PBX3: variants seen among roughly 807,000 people sequenced by gnomAD.
PBX3 encodes the protein pre-B-cell leukemia transcription factor 3.
PBX3 carries 14 observed loss-of-function variants against 48.5 expected under a neutral mutation model. The ratio of observed to expected loss-of-function variants is 0.29; its 90% CI spans 0.19 to 0.45. PBX3 has a LOEUF of 0.45. Among genes scored for constraint, PBX3 ranks in the 20% least tolerant of loss-of-function variants. The pLI, the probability that PBX3 is intolerant of heterozygous loss-of-function variation, is 1.00. For synonymous variants in PBX3, 210 were observed against 200.3 expected, an observed-to-expected ratio of 1.05 and a Z score of -0.41; for missense variants, 386 against 546.7, an observed-to-expected ratio of 0.71 and a Z score of 2.93.
At chr9:125,954,325 T>C (rs1225811415) in intron 5 of PBX3, among the ~76,000 whole-genome samples, 1 of 152,200 alleles carries the variant, frequency 6.6e-6, no homozygotes, top group African/African-American at 2.4e-5. Flanking sequence ...ACTATAATGA[T>C]GGTTTAGTCC....
intron 2 of PBX3, among the ~76,000 whole-genome samples, chr9:125,856,265 A>G (rs893814813): frequency 1.3e-4 from 20 of 152,208 alleles, no homozygotes; most frequent in African/African-American, 4.6e-4. Context: ...GAATCAATGT[A>G]AAATACTCTG....
chr9:125,811,055 A>C (rs1696649009), intron 2 of PBX3, among the ~76,000 whole-genome samples: 3 of 152,200 alleles, frequency 2.0e-5, no homozygotes, highest in Admixed American at 2.0e-4. Context: ...CATAGCTCCC[A>C]TCTCTTCATG....
chr9:125,793,134 T>C (rs1837660546), intron 2 of PBX3, among the ~76,000 whole-genome samples: 1 of 151,252 alleles, frequency 6.6e-6, no homozygotes, highest in Non-Finnish European at 1.5e-5. Context: ...GGGCGGATCA[T>C]GAGGTCAGGA....
intron 2 of PBX3, among the ~76,000 whole-genome samples, chr9:125,862,930 T>C (rs1411921964): frequency 1.3e-5 from 2 of 151,796 alleles, no homozygotes; most frequent in African/African-American, 4.8e-5. Flanking sequence ...GGCCTCACTC[T>C]GTCGCCCAGG....
intron 2 of PBX3, among the ~76,000 whole-genome samples, chr9:125,817,694 T>C (rs1212371513): frequency 6.6e-6 from 1 of 152,248 alleles, no homozygotes; most frequent in Non-Finnish European, 1.5e-5. Context: ...GGAATTTTCA[T>C]TCAGCTTTGA....
intron 1 of PBX3, chr9:125,748,344 C>A (rs1428662742): frequency 7.8e-7 from 1 of 1,275,382 alleles, no homozygotes; most frequent in Non-Finnish European, 1.0e-6. Context: ...CAGATGGGTC[C>A]GCCTTGTTCC....
At chr9:125,882,926 T>C (rs974356657) in intron 2 of PBX3, among the ~76,000 whole-genome samples, 4 of 152,228 alleles carry the variant, frequency 2.6e-5, no homozygotes, top group African/African-American at 7.2e-5. Flanking sequence ...TTTAGAGAAG[T>C]ATTTGCAACA....
chr9:125,906,730 G>A (rs913770215), intron 2 of PBX3, among the ~76,000 whole-genome samples: 2 of 151,926 alleles, frequency 1.3e-5, no homozygotes, highest in Non-Finnish European at 2.9e-5. Context: ...CAAAAATTTT[G>A]TATTATGTGT....
intron 2 of PBX3, among the ~76,000 whole-genome samples, chr9:125,750,069 A>G (rs12005972): frequency 0.28 from 42,341 of 152,138 alleles, 7,032 homozygotes; most frequent in Middle Eastern, 0.41. Flanking sequence ...TAAGACATCT[A>G]GCATTCAGTC....
rs557238597 is a variant in PBX3, at chr9:125,879,299, G to A, written c.275-36387G>A. ...TCACCATATTGGCCAACCTGATCTC[G>A]ATCGAACTCCTGACCTCGTGATCAG... On this transcript the variant is annotated intron_variant, in intron 2 of 8. Coordinates refer to ENST00000373489, the MANE Select transcript of PBX3 (RefSeq NM_006195.6). Among the ~76,000 whole-genome samples, 4 of 151,966 alleles carry A rather than the reference G, an allele frequency of 2.6e-5. No homozygotes were observed. In the South Asian group the frequency reaches 6.2e-4, roughly 24 times the overall value.
At chr9:125,792,052 ACG>A (rs1190205687) in intron 2 of PBX3, among the ~76,000 whole-genome samples, 13 of 145,834 alleles carry the variant, frequency 8.9e-5, no homozygotes, top group Non-Finnish European at 6.0e-5. Flanking sequence ...ACACGCACGC[ACG>A]CACGCACGCA....
Position 125,747,488 on chromosome 9 carries a change from C to T in PBX3, c.35C>T (p.Ala12Val). The change falls in exon 1 of 9, where the codon GCC becomes GTC. Residue 12 changes from alanine (A) to valine (V), a missense_variant. Ala to Val is a moderately conservative substitution (Grantham distance 64). Transcript: ENST00000373489. ...CAATCCAGGATGCTGCAGACTCTGG[C>T]CGGGGTGAACCTGGCTGGCCACTCG... is the stretch of plus-strand genomic sequence containing the variant. Reference protein sequence around the residue: ...DDQSRMLQTLAGVNLAGHSVQ... With the variant: ...DDQSRMLQTLVGVNLAGHSVQ... The T allele has an allele frequency of 6.3e-7, 1 of 1,582,898 alleles. No homozygotes were observed. Among genetic ancestry groups the T allele is most frequent in the Non-Finnish European group, 8.6e-7 (1 of 1,166,268 alleles).
intron 4 of PBX3, among the ~76,000 whole-genome samples, chr9:125,933,536 C>T (rs999126551): frequency 2.0e-5 from 3 of 152,164 alleles, no homozygotes; most frequent in Admixed American, 2.0e-4. Context: ...AAGAAATGCA[C>T]TTGTGTCATC....
At chr9:125,952,497 T>C (rs1842215481) in intron 5 of PBX3, among the ~76,000 whole-genome samples, 1 of 152,262 alleles carries the variant, frequency 6.6e-6, no homozygotes, top group African/African-American at 2.4e-5. Flanking sequence ...TGGCTTTCAG[T>C]GACTGTAGAG....
intron 2 of PBX3, among the ~76,000 whole-genome samples, chr9:125,827,069 C>G (rs999294866): frequency 6.6e-6 from 1 of 152,164 alleles, no homozygotes; most frequent in Non-Finnish European, 1.5e-5. Flanking sequence ...GTCTGTCACT[C>G]TATTCTCTAC....
At chr9:125,888,521 G>T (rs1840556224) in intron 2 of PBX3, among the ~76,000 whole-genome samples, 1 of 151,154 alleles carries the variant, frequency 6.6e-6, no homozygotes, top group Non-Finnish European at 1.5e-5. Flanking sequence ...GCTCTCACTT[G>T]ATGGCATTTT....
At chr9:125,965,088 T>A (rs1270656276) in intron 8 of PBX3, among the ~76,000 whole-genome samples, 2 of 152,250 alleles carry the variant, frequency 1.3e-5, no homozygotes, top group African/African-American at 2.4e-5. Flanking sequence ...AGCGACAAGC[T>A]GTCTGCCACA....
chr9:125,886,164 G>A (rs1340081395), intron 2 of PBX3, among the ~76,000 whole-genome samples: 1 of 151,970 alleles, frequency 6.6e-6, no homozygotes, highest in East Asian at 1.9e-4. Context: ...CAGGATCTAT[G>A]TTTTTAATAT....
Position 125,749,026 on chromosome 9 carries a change from C to T in PBX3, c.274+403C>T, listed in dbSNP as rs184417221. On this transcript the variant is annotated intron_variant, in intron 2 of 8. Transcript: ENST00000373489. ...TCGCCCGAACTTTGTTTTACTTAGA[C>T]AGTCTTAAGCTTCAGCTGCACGGAT... 116 of 187,624 alleles carry T rather than the reference C, an allele frequency of 6.2e-4. 1 individual carries two copies. The East Asian group carries it at 0.012, about 19-fold the overall frequency. The allele number at this position is 187,624 out of a possible 1,614,324, so 11.6% of individuals were successfully genotyped here.
Sources: allele counts gnomAD v4.1 joint callset (sites outside exome capture counted in the v4.1 genomes callset), GRCh38; gene constraint gnomAD v4.1.1; transcripts MANE v1.5; gene names NCBI Gene and HGNC (gene_info 2026-07-23, HGNC 2026-07-21).